The following PCDHGA2 variants were observed in gnomAD, a reference collection of about 807,000 sequenced individuals.
PCDHGA2 encodes the protein protocadherin gamma subfamily A, 2, also known as protocadherin gamma-A2.
A neutral mutation model predicts 59.2 loss-of-function variants in PCDHGA2; 40 were observed. That is an observed-to-expected ratio of 0.68 (90% CI 0.52 to 0.88). The LOEUF is 0.88. Among genes scored for constraint, PCDHGA2 ranks in the 40% least tolerant of loss-of-function variants. The pLI is 0.00. For missense variants in PCDHGA2, 1,226 were observed against 1,204.0 expected (o/e 1.02, Z -0.27); for synonymous variants, 560 against 526.0 (o/e 1.06, Z -0.89).
intron 1 of PCDHGA2, chr5:141,414,091 A>C (rs774168035): frequency 7.5e-6 from 12 of 1,594,412 alleles, no homozygotes; most frequent in African/African-American, 1.3e-5. Flanking sequence ...TGGAGAAATA[A>C]AAATATCAGA....
At chr5:141,478,570 G>T (rs1255499966) in intron 1 of PCDHGA2, 1 of 1,590,156 alleles carries the variant, frequency 6.3e-7, no homozygotes, top group Admixed American at 1.8e-5. Context: ...AGTCATGCTT[G>T]ACCCTGTTAG....
At chr5:141,406,682 ATTC>A (rs1390945950) in intron 1 of PCDHGA2, among the ~76,000 whole-genome samples, 1 of 152,216 alleles carries the variant, frequency 6.6e-6, no homozygotes, top group Non-Finnish European at 1.5e-5. Flanking sequence ...ATAGTAGGAC[ATTC>A]TTCTTTTCTA....
chr5:141,396,813 T>C (rs1031435038), intron 1 of PCDHGA2, among the ~76,000 whole-genome samples: 4 of 152,240 alleles, frequency 2.6e-5, no homozygotes, highest in African/African-American at 9.6e-5. Context: ...AGTGTTCTAC[T>C]GTATGGTGCA....
At position 141,354,490 on chromosome 5, in the gene PCDHGA2, C is replaced by T. The variant is rs990013308; in HGVS notation, c.2424+13095C>T. On this transcript the variant is annotated intron_variant, in intron 1 of 3. Coordinates refer to ENST00000394576, the MANE Select transcript of PCDHGA2 (RefSeq NM_018915.4). Reference sequence around the variant, plus strand: ...GTACAGGGTAAGGCTAACTCTTGAACAGTAGGTGAGTTTTTTGCAAGGGAA... The same window carrying T: ...GTACAGGGTAAGGCTAACTCTTGAATAGTAGGTGAGTTTTTTGCAAGGGAA... Among the ~76,000 whole-genome samples, 11 of 152,206 alleles carry T rather than the reference C, an allele frequency of 7.2e-5. 1 individual carries two copies. Among genetic ancestry groups the T allele is most frequent in the Non-Finnish European group, 1.5e-4 (10 of 68,048 alleles).
rs1018272442 is a variant in PCDHGA2 at position 141,419,770 on chromosome 5, G to T, written c.2425-75037G>T. The stretch of plus-strand genomic sequence containing the variant: ...TGCGTGCTTTGGGTGACAAGGACTC[G>T]GTCCGCCAGCGCCTGCTAGTCGCTG... On this transcript the variant is annotated intron_variant, in intron 1 of 3. Transcript: ENST00000394576. 6.2e-6 allele frequency: 10 copies of T among 1,613,888 alleles called. No homozygotes were observed. The African/African-American group carries it at 1.2e-4, about 19-fold the overall frequency.
chr5:141,357,095 T>C (rs1263482275), intron 1 of PCDHGA2: 4 of 1,613,868 alleles, frequency 2.5e-6, no homozygotes, highest in Admixed American at 3.3e-5. Context: ...GCACGGGCCC[T>C]GCTGGACAGA....
intron 1 of PCDHGA2, chr5:141,389,923 C>G: frequency 6.2e-7 from 1 of 1,614,076 alleles, no homozygotes; most frequent in Non-Finnish European, 8.5e-7. Context: ...CCCGACCCCT[C>G]TGACCTCCAG....
intron 1 of PCDHGA2, chr5:141,408,141 C>G: frequency 1.3e-6 from 2 of 1,492,116 alleles, no homozygotes; most frequent in Non-Finnish European, 1.8e-6. Context: ...GCTCTTTTAG[C>G]GCGGTAGAGT....
chr5:141,399,832 G>C (rs2093898646), intron 1 of PCDHGA2: 1 of 1,613,034 alleles, frequency 6.2e-7, no homozygotes, highest in Admixed American at 1.7e-5. Context: ...CGACGGCTCT[G>C]CGCTCTTCGA....
intron 1 of PCDHGA2, chr5:141,389,614 C>T: frequency 1.2e-6 from 2 of 1,613,064 alleles, no homozygotes; most frequent in Non-Finnish European, 1.7e-6. Context: ...GATATGGTGC[C>T]GCACGCTGCA....
chr5:141,351,718 T>C (rs748339463), intron 1 of PCDHGA2: 1 of 1,613,828 alleles, frequency 6.2e-7, no homozygotes, highest in East Asian at 2.2e-5. Context: ...TCTCCTACTC[T>C]ATTCTGGCCA....
chr5:141,431,090 G>C lies in PCDHGA2; in HGVS notation c.2425-63717G>C. On this transcript the variant is annotated intron_variant, in intron 1 of 3. Transcript: ENST00000394576. The surrounding 1 kb of genome is among the most constrained non-coding windows in gnomAD (Gnocchi z 4.8). ...TCAATTAAATCTAGACATTCTGATG[G>C]AGGATAAAGTGAAAATATATGGAGT... is the stretch of plus-strand genomic sequence containing the variant. 6.2e-7 allele frequency: 1 copy of C among 1,614,246 alleles called. No homozygotes were observed. The highest frequency in any genetic ancestry group is 8.5e-7 in the Non-Finnish European group (1 of 1,180,032).
rs4042104 is a variant in PCDHGA2 at position 141,489,091 on chromosome 5, T to TAAG, written c.2425-5713_2425-5711dup. On this transcript the variant is annotated intron_variant, in intron 1 of 3. Transcript: ENST00000394576. This position sits in a 1 kb window ranked among gnomAD's most constrained non-coding sequence, Gnocchi z 4.5. Reference sequence around the variant, plus strand: ...CTGCCCACCCCCGCCACTCGGTGACTAAGAACTGCTGCAAGCAGGCAAACC... The same window carrying TAAG: ...CTGCCCACCCCCGCCACTCGGTGACTAAGAAGAACTGCTGCAAGCAGGCAAACC... 136,009 of 332,164 alleles carry TAAG rather than the reference T, an allele frequency of 0.41. 28,517 individuals are homozygous for TAAG. The highest frequency in any genetic ancestry group is 0.54 in the Admixed American group (11,651 of 21,676). The allele number at this position is 332,164 out of a possible 1,614,324, so 20.6% of individuals were successfully genotyped here.
At position 141,339,893 on chromosome 5, in the gene PCDHGA2, G is replaced by T; in HGVS notation, c.922G>T (p.Asp308Tyr). Residue 308 changes from aspartate (D) to tyrosine (Y), a missense_variant, in exon 1 of 4, where the codon GAT becomes TAT. Asp to Tyr is a radical substitution (Grantham distance 160). Transcript: ENST00000394576. ...AGAACTGACAATCATAAAAGATCTA[G>T]ATTATGAGGATGCTACATTCCATGA... is the stretch of plus-strand genomic sequence containing the variant. ...SGELTIIKDL[D>Y]YEDATFHEID... 6.2e-7 allele frequency: 1 copy of T among 1,614,148 alleles called. No individual in the cohort carries two copies. The highest frequency in any genetic ancestry group is 8.5e-7 in the Non-Finnish European group (1 of 1,179,998).
intron 1 of PCDHGA2, chr5:141,410,860 T>TTTTTTTTTTTTTTTTTTG: frequency 2.3e-6 from 1 of 442,030 alleles, no homozygotes; most frequent in Non-Finnish European, 3.7e-6. Flanking sequence ...TTTTTTTTTT[T>TTTTTTTTTTTTTTTTTTG]TTTTTTTTTT....
rs371490086 is a variant in PCDHGA2 at position 141,405,329 on chromosome 5, G to A, written c.2424+63934G>A. 241 of 1,614,168 alleles carry A rather than the reference G, an allele frequency of 1.5e-4. No individual in the cohort carries two copies. Among genetic ancestry groups the A allele is most frequent in the African/African-American group, 1.1e-3 (80 of 75,034 alleles). The stretch of plus-strand genomic sequence containing the variant: ...CTGTGAGAAAAATGAGCCTTTGTGC[G>A]TCTCTGTTGATTCCAAGTTTCCTAT... On this transcript the variant is annotated intron_variant, in intron 1 of 3. Coordinates refer to ENST00000394576, the MANE Select transcript of PCDHGA2 (RefSeq NM_018915.4).
chr5:141,500,234 A>T (rs2099798212), intron 2 of PCDHGA2, among the ~76,000 whole-genome samples: 1 of 148,996 alleles, frequency 6.7e-6, no homozygotes, highest in Non-Finnish European at 1.5e-5. Context: ...ATTGATACGT[A>T]GCCTTGCTCT....
chr5:141,351,215 G>A, intron 1 of PCDHGA2: 1 of 1,614,064 alleles, frequency 6.2e-7, no homozygotes, highest in South Asian at 1.1e-5. Flanking sequence ...GGAAGCTAAG[G>A]ATGGAGGAGT....
intron 1 of PCDHGA2, chr5:141,341,644 G>A: frequency 6.8e-6 from 5 of 738,148 alleles, no homozygotes; most frequent in Admixed American, 3.0e-5. Context: ...AAAGAGCACT[G>A]CATTAGGAAC....
Sources: allele counts gnomAD v4.1 joint callset (sites outside exome capture counted in the v4.1 genomes callset), GRCh38; gene constraint gnomAD v4.1.1; non-coding constraint Gnocchi (gnomAD v3.1); transcripts MANE v1.5; gene names NCBI Gene and HGNC (gene_info 2026-07-23, HGNC 2026-07-21).